The following SPECC1L variants were observed in gnomAD, a reference collection of about 807,000 sequenced individuals.
The protein encoded by SPECC1L is sperm antigen with calponin homology and coiled-coil domains 1 like.
A neutral mutation model predicts 116.8 loss-of-function variants in SPECC1L; 40 were observed. The ratio of observed to expected loss-of-function variants is 0.34; its 90% CI spans 0.27 to 0.45. The LOEUF (loss-of-function observed/expected upper bound fraction) is 0.45. Ranked by LOEUF, SPECC1L falls within the 20% of genes least tolerant of loss-of-function variation. The pLI is 1.00. For missense variants in SPECC1L, 1,110 were observed against 1,373.6 expected (o/e 0.81, Z 3.03); for synonymous variants, 504 against 500.6 (o/e 1.01, Z -0.09).
rs2040740508 is a variant in SPECC1L, at chr22:24,322,442, T to C, written c.1462T>C (p.Tyr488His). 1 of 1,614,194 alleles carries C rather than the reference T, an allele frequency of 6.2e-7. No homozygotes were observed. The highest frequency in any genetic ancestry group is 8.5e-7 in the Non-Finnish European group (1 of 1,180,042). ...AGATGAAGATGTAAAAAGTGGGCGCTATATGGAATTAGAGCAACGTTACAT... is the reference window on the plus strand; with the variant it reads ...AGATGAAGATGTAAAAAGTGGGCGCCATATGGAATTAGAGCAACGTTACAT... ...VIDEDVKSGR[Y>H]MELEQRYMDL... The change falls in exon 5 of 17, where the codon TAT (tyrosine) becomes CAT (histidine). Residue 488 changes from tyrosine (Y) to histidine (H), a missense_variant. Transcript: ENST00000314328.
chr22:24,407,534 A>C (rs948282961), intron 14 of SPECC1L, among the ~76,000 whole-genome samples: 2 of 152,160 alleles, frequency 1.3e-5, no homozygotes, highest in Admixed American at 1.3e-4. Context: ...CAGGGAGCAG[A>C]AGGGGCGGCT....
At chr22:24,413,579 C>T (rs2042743126) in intron 16 of SPECC1L, among the ~76,000 whole-genome samples, 1 of 152,162 alleles carries the variant, frequency 6.6e-6, no homozygotes, top group Non-Finnish European at 1.5e-5. Context: ...GTCTTCATGC[C>T]ACAGGTGCAT....
At position 24,414,703 on chromosome 22, in the gene SPECC1L, C is replaced by A; in HGVS notation, c.*80C>A. ...CGACACCGACGCCATTAGCTACGCA[C>A]CCCTGTAAAGCTTCCAGCAACTCTG... On this transcript the variant is annotated 3_prime_UTR_variant, in exon 17 of 17. Coordinates refer to ENST00000314328, the MANE Select transcript of SPECC1L (RefSeq NM_015330.6). The A allele has an allele frequency of 3.2e-6, 4 of 1,253,328 alleles. No homozygotes were observed. The highest frequency in any genetic ancestry group is 4.6e-6 in the Non-Finnish European group (4 of 866,436). 77.6% of individuals were successfully genotyped at this position (1,253,328 alleles called of 1,614,324 possible).
chr22:24,361,648 T>G (rs2041645974), intron 11 of SPECC1L, among the ~76,000 whole-genome samples: 1 of 151,072 alleles, frequency 6.6e-6, no homozygotes, highest in Non-Finnish European at 1.5e-5. Flanking sequence ...ATACAAAAAT[T>G]AGTCAGGTGT....
At chr22:24,359,438 C>G (rs2041599975) in intron 11 of SPECC1L, among the ~76,000 whole-genome samples, 1 of 152,174 alleles carries the variant, frequency 6.6e-6, no homozygotes, top group South Asian at 2.1e-4. Flanking sequence ...ACGTCTCTTC[C>G]TTCCATAATC....
chr22:24,357,367 C>T (rs945414085), intron 11 of SPECC1L, among the ~76,000 whole-genome samples: 3 of 152,024 alleles, frequency 2.0e-5, no homozygotes, highest in African/African-American at 4.8e-5. Flanking sequence ...TTAAGACTAG[C>T]CTGAGCAACA....
At chr22:24,288,394 C>T (rs2049086963) in intron 2 of SPECC1L, among the ~76,000 whole-genome samples, 1 of 152,156 alleles carries the variant, frequency 6.6e-6, no homozygotes, top group African/African-American at 2.4e-5. Flanking sequence ...TGCCAAATAT[C>T]CCCTAGGGTA....
intron 14 of SPECC1L, among the ~76,000 whole-genome samples, chr22:24,395,553 T>G (rs2042350898): frequency 6.6e-6 from 1 of 152,198 alleles, no homozygotes; most frequent in South Asian, 2.1e-4. Flanking sequence ...GAAGAGCAGA[T>G]TTGTTTAAGA....
rs1465104565 is a variant in SPECC1L, at chr22:24,416,855, G to A, written c.*2232G>A. 1 of 152,394 alleles carries A rather than the reference G, an allele frequency of 6.6e-6. No homozygotes were observed. 9.4% of individuals were successfully genotyped at this position (152,394 alleles called of 1,614,324 possible). A position where few individuals can be genotyped will look rare whatever the true frequency, so the allele number is the denominator to read the frequency against. On this transcript the variant is annotated 3_prime_UTR_variant, in exon 17 of 17. Transcript: ENST00000314328. ...GCCTGAGGTCAGCAACAGGGAAAGA[G>A]GGTGGGCACGGGGAGGGCTTGGCCC... is the stretch of plus-strand genomic sequence containing the variant.
At chr22:24,346,913 T>A (rs1341470035) in intron 10 of SPECC1L, among the ~76,000 whole-genome samples, 173 bp from the exon 11 acceptor site, 1 of 152,150 alleles carries the variant, frequency 6.6e-6, no homozygotes, top group Non-Finnish European at 1.5e-5. Context: ...GTCTAATTTT[T>A]AAAAAAAGTA....
intron 8 of SPECC1L, among the ~76,000 whole-genome samples, chr22:24,334,166 C>T (rs542689060): frequency 2.0e-5 from 3 of 151,960 alleles, no homozygotes; most frequent in Admixed American, 6.6e-5. Context: ...GCGCCCACCA[C>T]CGTGCCTGGC....
chr22:24,304,235 T>A (rs908254520), intron 3 of SPECC1L, among the ~76,000 whole-genome samples: 2 of 152,168 alleles, frequency 1.3e-5, no homozygotes, highest in Non-Finnish European at 2.9e-5. Context: ...ACCCATTCAT[T>A]TATGGACACC....
chr22:24,302,476 G>A, intron 3 of SPECC1L, 92 bp downstream of exon 3: 2 of 1,524,384 alleles, frequency 1.3e-6, no homozygotes. Context: ...TCTTAGGGGT[G>A]TGCCCTCTTC....
chr22:24,375,354 G>A (rs950920312), intron 14 of SPECC1L, among the ~76,000 whole-genome samples: 2 of 151,796 alleles, frequency 1.3e-5, no homozygotes, highest in African/African-American at 2.4e-5. Flanking sequence ...TACCAAAAAC[G>A]GAAAAAGATA....
intron 14 of SPECC1L, among the ~76,000 whole-genome samples, chr22:24,396,751 G>A (rs1485864229): frequency 6.6e-6 from 1 of 152,140 alleles, no homozygotes; most frequent in Non-Finnish European, 1.5e-5. Context: ...GTTTCACGTG[G>A]CCTCTGTACT....
intron 14 of SPECC1L, among the ~76,000 whole-genome samples, chr22:24,384,777 A>G (rs1262503075): frequency 6.6e-6 from 1 of 152,178 alleles, no homozygotes; most frequent in African/African-American, 2.4e-5. Context: ...AAGACTTAAT[A>G]TAGAAAAAGA....
intron 4 of SPECC1L, among the ~76,000 whole-genome samples, chr22:24,317,313 T>C (rs1601543395): frequency 1.2e-5 from 1 of 86,192 alleles, no homozygotes; most frequent in Non-Finnish European, 2.4e-5. Flanking sequence ...GGCGGGGGGC[T>C]GACCCCCCCC....
At chr22:24,333,536 A>G (rs1417137367) in intron 8 of SPECC1L, among the ~76,000 whole-genome samples, 4 of 149,682 alleles carry the variant, frequency 2.7e-5, no homozygotes, top group South Asian at 2.1e-4. Context: ...TAGGGGACTC[A>G]TGTTACTAAT....
At chr22:24,366,330 A>G (rs761491900) in intron 13 of SPECC1L, among the ~76,000 whole-genome samples, 3 of 151,910 alleles carry the variant, frequency 2.0e-5, no homozygotes, top group Non-Finnish European at 4.4e-5. Context: ...AGTAGCTGGG[A>G]CTACAGGCGC....
Sources: gnomAD v4.1 joint callset for allele counts (sites outside exome capture counted in the v4.1 genomes callset) on GRCh38, gnomAD v4.1.1 for gene constraint, MANE v1.5 for transcripts, NCBI Gene and HGNC (gene_info 2026-07-23, HGNC 2026-07-21) for gene names.